DNAH11: variants seen among roughly 807,000 people sequenced by gnomAD.
DNAH11 encodes the protein dynein axonemal heavy chain 11, also known as axonemal beta dynein heavy chain 11.
Under a neutral mutation model 526.0 loss-of-function variants are expected in DNAH11, and 442 were observed. The observed-to-expected ratio is 0.84, with a 90% CI of 0.78 to 0.91. DNAH11 has a LOEUF of 0.91. Ranked by LOEUF, DNAH11 falls within the 40% of genes least tolerant of loss-of-function variation. The pLI is 0.00. For missense variants in DNAH11, 6,989 were observed against 5,448.7 expected (o/e 1.28, Z -8.90); for synonymous variants, 2,461 against 1,935.9 (o/e 1.27, Z -7.12).
chr7:21,786,802 T>C, intron 59 of DNAH11, 35 bp downstream of exon 59: 1 of 1,611,792 alleles, frequency 6.2e-7, no homozygotes, highest in Non-Finnish European at 8.5e-7. Flanking sequence ...AAAATCCTGA[T>C]AATTTCCATA....
chr7:21,639,134 T>A (rs1787008128), intron 28 of DNAH11, 69 bp downstream of exon 28: 1 of 1,482,518 alleles, frequency 6.7e-7, no homozygotes, highest in South Asian at 1.4e-5. Flanking sequence ...TCTCTATCAT[T>A]GTCAAATGCT....
intron 45 of DNAH11, among the ~76,000 whole-genome samples, chr7:21,727,025 C>T (rs139648687): frequency 0.23 from 29,402 of 126,200 alleles, 3,614 homozygotes; most frequent in Middle Eastern, 0.31. Flanking sequence ...GATCCACCTC[C>T]GGGGTTCAAG....
At chr7:21,698,622 C>G (rs184591401) in intron 36 of DNAH11, among the ~76,000 whole-genome samples, 1 of 152,324 alleles carries the variant, frequency 6.6e-6, no homozygotes, top group African/African-American at 2.4e-5. Context: ...CCACCTCCAT[C>G]CAGGTTGCTG....
intron 49 of DNAH11, among the ~76,000 whole-genome samples, chr7:21,742,504 A>C (rs1328885297): frequency 6.6e-6 from 1 of 152,114 alleles, no homozygotes; most frequent in Admixed American, 6.6e-5. Flanking sequence ...GTGAGAATTC[A>C]CTTATTACGG....
intron 49 of DNAH11, 93 bp downstream of exon 49, chr7:21,742,259 C>T: frequency 2.9e-6 from 4 of 1,374,424 alleles, no homozygotes; most frequent in Non-Finnish European, 3.9e-6. Context: ...TAGAGAAACA[C>T]CTGAGGCTAG....
At chr7:21,741,852 GA>G in intron 48 of DNAH11, 74 bp from the exon 49 acceptor site, 5 of 1,526,372 alleles carry the variant, frequency 3.3e-6, no homozygotes, top group South Asian at 1.2e-5. Context: ...AGGGAGGAGT[GA>G]AAAAAAATCA....
intron 44 of DNAH11, among the ~76,000 whole-genome samples, chr7:21,723,507 G>T (rs1784962661): frequency 6.6e-6 from 1 of 152,016 alleles, no homozygotes. Context: ...CTCCTCACTG[G>T]GCTTTCTATT....
intron 62 of DNAH11, among the ~76,000 whole-genome samples, chr7:21,806,680 T>G (rs1789276344): frequency 6.6e-6 from 1 of 152,050 alleles, no homozygotes; most frequent in Admixed American, 6.6e-5. Context: ...AAATTGCTGA[T>G]TTTTTTTCAG....
chr7:21,793,379 A>G (rs1788557697), intron 61 of DNAH11, among the ~76,000 whole-genome samples: 1 of 152,196 alleles, frequency 6.6e-6, no homozygotes, highest in African/African-American at 2.4e-5. Flanking sequence ...GCACTTTGAG[A>G]GGCTGAGGTG....
At chr7:21,859,799 G>C (rs1782988738) in intron 68 of DNAH11, among the ~76,000 whole-genome samples, 1 of 152,070 alleles carries the variant, frequency 6.6e-6, no homozygotes, top group Admixed American at 6.6e-5. Flanking sequence ...GCATGAATGA[G>C]AGTAATAAAT....
At chr7:21,878,589 T>A (rs1226061464) in intron 74 of DNAH11, among the ~76,000 whole-genome samples, 1 of 152,192 alleles carries the variant, frequency 6.6e-6, no homozygotes, top group Non-Finnish European at 1.5e-5. Flanking sequence ...ATTGTATATT[T>A]CCAAGCCCCA....
intron 3 of DNAH11, 127 bp from the exon 4 acceptor site, chr7:21,559,476 A>G (rs1783360100): frequency 1.3e-6 from 1 of 793,264 alleles, no homozygotes. Flanking sequence ...AGACCATAAA[A>G]ATAATGGATT....
intron 21 of DNAH11, among the ~76,000 whole-genome samples, chr7:21,615,524 G>A (rs1785730305): frequency 1.3e-5 from 2 of 151,416 alleles, no homozygotes; most frequent in Non-Finnish European, 2.9e-5. Flanking sequence ...AATCCTTTGG[G>A]GAGATTGTAA....
At chr7:21,597,006 T>C (rs943053779) in intron 14 of DNAH11, among the ~76,000 whole-genome samples, 30 of 152,234 alleles carry the variant, frequency 2.0e-4, no homozygotes, top group African/African-American at 7.0e-4. Flanking sequence ...TGTAGAAATA[T>C]GGCCAAGGGT....
intron 30 of DNAH11, among the ~76,000 whole-genome samples, chr7:21,672,968 T>C (rs986934525): frequency 3.3e-5 from 5 of 152,204 alleles, no homozygotes; most frequent in Non-Finnish European, 7.3e-5. Context: ...TTGGGAACAC[T>C]GTAGTCCTTT....
chr7:21,588,723 C>T, intron 11 of DNAH11, 87 bp downstream of exon 11: 1 of 1,472,398 alleles, frequency 6.8e-7, no homozygotes, highest in Non-Finnish European at 9.4e-7. Context: ...CATATTAGCA[C>T]TTAGGAAGCC....
Position 21,863,747 on chromosome 7 carries a change from C to G in DNAH11, c.11374-788C>G, listed in dbSNP as rs142880054. On this transcript the variant is annotated intron_variant, in intron 69 of 81. Transcript: ENST00000409508. Reference sequence around the variant, plus strand: ...TTAAGTCCTGACAATCTATATAAATCAAAGTTTCATAACTATATGGATAAT... The same window carrying G: ...TTAAGTCCTGACAATCTATATAAATGAAAGTTTCATAACTATATGGATAAT... 3.7e-3 allele frequency among the ~76,000 whole-genome samples: 566 copies of G among 152,218 alleles called. 3 individuals carry two copies. Among genetic ancestry groups the G allele is most frequent in the African/African-American group, 0.013 (540 of 41,540 alleles).
Position 21,789,332 on chromosome 7 carries a change from A to G in DNAH11, c.10016A>G (p.Lys3339Arg). 1 of 1,566,994 alleles carries G rather than the reference A, an allele frequency of 6.4e-7. No individual in the cohort carries two copies. Among genetic ancestry groups the G allele is most frequent in the Non-Finnish European group, 8.7e-7 (1 of 1,155,490 alleles). Residue 3339 changes from lysine (K) to arginine (R), a missense_variant, in exon 61 of 82, where the codon AAA (lysine) becomes AGA (arginine). By Grantham distance (26) the Lys-to-Arg change is conservative. Transcript: ENST00000409508. Reference protein sequence around the residue: ...AATEKLEAIRKKLVDLDRNLS... With the variant: ...AATEKLEAIRRKLVDLDRNLS... ...ACTGAAAAACTAGAGGCTATCAGGA[A>G]AAAGCTTGTGGTGAGTGCAAACTAT...
At chr7:21,689,335 T>G (rs1265581447) in intron 34 of DNAH11, among the ~76,000 whole-genome samples, 3 of 152,264 alleles carry the variant, frequency 2.0e-5, no homozygotes. Flanking sequence ...GAATACTCCT[T>G]GGTAGTCTCC....
Sources: gnomAD v4.1 joint callset for allele counts (sites outside exome capture counted in the v4.1 genomes callset) on GRCh38, gnomAD v4.1.1 for gene constraint, MANE v1.5 for transcripts, NCBI Gene and HGNC (gene_info 2026-07-23, HGNC 2026-07-21) for gene names.